LRRC20: variants seen among roughly 807,000 people sequenced by gnomAD.
LRRC20 encodes the protein leucine-rich repeat-containing protein 20.
A neutral mutation model predicts 14.4 loss-of-function variants in LRRC20; 11 were observed. The observed-to-expected ratio is 0.77, with a 90% confidence interval of 0.48 to 1.27. LRRC20 has a LOEUF of 1.27. LRRC20 is among the 50% of genes most tolerant of loss of function. The pLI, the probability that LRRC20 is intolerant of heterozygous loss-of-function variation, is 0.00. For missense variants in LRRC20, 219 were observed against 251.2 expected (o/e 0.87, Z 0.87); for synonymous variants, 121 against 107.3 (o/e 1.13, Z -0.79).
intron 3 of LRRC20, among the ~76,000 whole-genome samples, chr10:70,336,504 TCAATTAA>T: frequency 6.6e-6 from 1 of 152,176 alleles, no homozygotes; most frequent in East Asian, 1.9e-4. Context: ...TGGCTGGGAC[TCAATTAA>T]CAACTAACAG....
intron 2 of LRRC20, among the ~76,000 whole-genome samples, chr10:70,366,069 C>CAA (rs67374739): frequency 7.8e-6 from 1 of 128,760 alleles, no homozygotes; most frequent in Non-Finnish European, 1.6e-5. Context: ...GACTCCAGCT[C>CAA]AAAAAAAAAA....
chr10:70,306,694 A>G (rs1278722267), intron 4 of LRRC20, among the ~76,000 whole-genome samples: 4 of 152,186 alleles, frequency 2.6e-5, no homozygotes, highest in Non-Finnish European at 4.4e-5. Flanking sequence ...TCTAACAAGA[A>G]GTCTGTGGGG....
Position 70,376,595 on chromosome 10 carries a change from G to C in LRRC20, c.-62C>G. The C allele has an allele frequency of 6.5e-7, 1 of 1,531,098 alleles. No homozygotes were observed. The highest frequency in any genetic ancestry group is 1.1e-5 in the South Asian group (1 of 89,510). 94.8% of individuals were successfully genotyped at this position (1,531,098 alleles called of 1,614,324 possible). ...GTCTGCTTCTCACAAAAGGGCCTGA[G>C]CCTGGGGAAGACGCAGTGCCATGAA... On this transcript the variant is annotated splice_region_variant and 5_prime_UTR_variant, in exon 2 of 5. Transcript: ENST00000446961.
chr10:70,302,515 AT>A (rs1325395987), intron 4 of LRRC20, among the ~76,000 whole-genome samples: 1 of 152,150 alleles, frequency 6.6e-6, no homozygotes, highest in Non-Finnish European at 1.5e-5. Context: ...TGATGAAAAT[AT>A]TTTGGAAATA....
intron 1 of LRRC20, among the ~76,000 whole-genome samples, chr10:70,382,262 A>G (rs1386737737): frequency 6.6e-6 from 1 of 152,190 alleles, no homozygotes; most frequent in East Asian, 1.9e-4. Flanking sequence ...CGAGCTCCCT[A>G]TTCCCTGGCA....
intron 3 of LRRC20, among the ~76,000 whole-genome samples, chr10:70,332,192 G>T (rs994337989): frequency 2.6e-5 from 4 of 152,258 alleles, no homozygotes; most frequent in Non-Finnish European, 4.4e-5. Flanking sequence ...TGCTGAGGAG[G>T]CTTCACACAG....
intron 4 of LRRC20, among the ~76,000 whole-genome samples, chr10:70,303,972 C>T (rs1841308343): frequency 1.3e-5 from 2 of 152,114 alleles, no homozygotes; most frequent in African/African-American, 4.8e-5. Context: ...ATGAATTATA[C>T]ACTTTATGTG....
chr10:70,346,089 C>A (rs1238382114), intron 2 of LRRC20, among the ~76,000 whole-genome samples: 2 of 152,100 alleles, frequency 1.3e-5, no homozygotes, highest in East Asian at 3.9e-4. Flanking sequence ...CCTATCTCTA[C>A]TAAAAATACA....
At chr10:70,348,329 C>A (rs1225231293) in intron 2 of LRRC20, among the ~76,000 whole-genome samples, 2 of 152,210 alleles carry the variant, frequency 1.3e-5, no homozygotes, top group Non-Finnish European at 2.9e-5. Flanking sequence ...CAGAACAGTT[C>A]TCCATGGTCC....
intron 2 of LRRC20, among the ~76,000 whole-genome samples, chr10:70,356,767 C>T (rs1427801716): frequency 6.6e-6 from 1 of 151,852 alleles, no homozygotes; most frequent in African/African-American, 2.4e-5. Flanking sequence ...AGAAGAATTG[C>T]TTGAACCCAG....
intron 4 of LRRC20, among the ~76,000 whole-genome samples, chr10:70,322,855 C>G (rs894557510): frequency 3.3e-5 from 5 of 151,968 alleles, no homozygotes; most frequent in Non-Finnish European, 7.4e-5. Flanking sequence ...CACCTCCCAC[C>G]CAGCCAGGGT....
intron 2 of LRRC20, among the ~76,000 whole-genome samples, chr10:70,351,731 G>A (rs975940271): frequency 1.3e-5 from 2 of 152,184 alleles, no homozygotes; most frequent in African/African-American, 2.4e-5. Flanking sequence ...AATCATGGAA[G>A]CCATGCATCT....
At position 70,354,863 on chromosome 10, in the gene LRRC20, G is replaced by A. The variant is rs138305556; in HGVS notation, c.83-14161C>T. Among the ~76,000 whole-genome samples, 34 of 152,184 alleles carry A rather than the reference G, an allele frequency of 2.2e-4. No homozygotes were observed. The East Asian group carries it at 5.2e-3, about 23-fold the overall frequency. On this transcript the variant is annotated intron_variant, in intron 2 of 4. Coordinates refer to ENST00000446961, the MANE Select transcript of LRRC20 (RefSeq NM_001278212.2). The stretch of plus-strand genomic sequence containing the variant: ...ACACGTGACCCTCGGTGTGGAGGCC[G>A]CCCTGGGCTGTAACTCAGGAGGCCT...
intron 2 of LRRC20, among the ~76,000 whole-genome samples, chr10:70,342,836 C>T (rs1044337502): frequency 2.6e-5 from 4 of 152,106 alleles, no homozygotes; most frequent in African/African-American, 9.7e-5. Flanking sequence ...CCCCCAACCT[C>T]GAACCCCAGC....
intron 2 of LRRC20, among the ~76,000 whole-genome samples, chr10:70,360,911 A>G (rs1843694107): frequency 6.6e-6 from 1 of 152,126 alleles, no homozygotes; most frequent in South Asian, 2.1e-4. Context: ...GAACTGTCAT[A>G]ATGGCACACG....
intron 2 of LRRC20, among the ~76,000 whole-genome samples, chr10:70,346,145 C>T (rs1042683018): frequency 2.0e-5 from 3 of 152,084 alleles, no homozygotes; most frequent in African/African-American, 7.2e-5. Context: ...CCCAGCTACT[C>T]AGGAGGCTGA....
At chr10:70,330,539 C>T (rs1842499543) in intron 3 of LRRC20, among the ~76,000 whole-genome samples, 1 of 152,160 alleles carries the variant, frequency 6.6e-6, no homozygotes, top group African/African-American at 2.4e-5. Flanking sequence ...TTGTCCAACC[C>T]CTAGGGCTTT....
rs78775181 is a variant in LRRC20, at chr10:70,321,274, G to A, written c.400+2589C>T. On this transcript the variant is annotated intron_variant, in intron 4 of 4. Coordinates refer to ENST00000446961, the MANE Select transcript of LRRC20 (RefSeq NM_001278212.2). The stretch of plus-strand genomic sequence containing the variant: ...AGCTCAGCTACAAGTAGCGAAGAGT[G>A]CAGAACTATTTCCATAATGGAAGAC... Among the ~76,000 whole-genome samples, 633 of 152,336 alleles carry A rather than the reference G, an allele frequency of 4.2e-3. 3 individuals are homozygous for A. The highest frequency in any genetic ancestry group is 0.014 in the African/African-American group (590 of 41,578).
intron 2 of LRRC20, among the ~76,000 whole-genome samples, chr10:70,349,438 C>T (rs771105813): frequency 5.3e-5 from 8 of 152,054 alleles, no homozygotes; most frequent in Non-Finnish European, 1.2e-4. Flanking sequence ...AGTAGTCGGT[C>T]GTGGTGGTGC....
Sources: gnomAD v4.1 joint callset for allele counts (sites outside exome capture counted in the v4.1 genomes callset) on GRCh38, gnomAD v4.1.1 for gene constraint, MANE v1.5 for transcripts, NCBI Gene and HGNC (gene_info 2026-07-23, HGNC 2026-07-21) for gene names.